Variants in TMCC1 observed in about 807,000 individuals in gnomAD.
TMCC1 encodes transmembrane and coiled-coil domain family 1.
TMCC1 carries 15 observed loss-of-function variants against 52.4 expected under a neutral mutation model. The ratio of observed to expected loss-of-function variants is 0.29; its 90% CI spans 0.19 to 0.44. The LOEUF (loss-of-function observed/expected upper bound fraction) is 0.44, where lower values mean the gene tolerates loss of function less well. Ranked by LOEUF, TMCC1 falls within the 20% of genes least tolerant of loss-of-function variation. The pLI, the probability that TMCC1 is intolerant of heterozygous loss-of-function variation, is 1.00. For missense variants in TMCC1, 503 were observed against 806.0 expected, an observed-to-expected ratio of 0.62 and a Z score of 4.55; for synonymous variants, 279 against 301.9, an observed-to-expected ratio of 0.92 and a Z score of 0.79.
chr3:129,688,140 A>G, intron 4 of TMCC1: 1 of 985,360 alleles, frequency 1.0e-6, no homozygotes. Context: ...TAGAAAAGTC[A>G]AAAAATAAGA....
intron 4 of TMCC1, among the ~76,000 whole-genome samples, chr3:129,717,604 T>C: frequency 6.6e-6 from 1 of 152,150 alleles, no homozygotes; most frequent in East Asian, 1.9e-4. Flanking sequence ...CATTTACATC[T>C]CAGTTAATGA....
intron 4 of TMCC1, among the ~76,000 whole-genome samples, chr3:129,741,164 T>C (rs1383671123): frequency 6.6e-6 from 1 of 152,190 alleles, no homozygotes; most frequent in Non-Finnish European, 1.5e-5. Context: ...TTAGAATCAC[T>C]GCTGTGTTGA....
chr3:129,718,478 G>A (rs2049282236), intron 4 of TMCC1, among the ~76,000 whole-genome samples: 1 of 152,184 alleles, frequency 6.6e-6, no homozygotes, highest in Non-Finnish European at 1.5e-5. Flanking sequence ...TTTTCACTGT[G>A]TTTAGTACAA....
At chr3:129,692,803 G>A (rs934572522) in intron 4 of TMCC1, among the ~76,000 whole-genome samples, 2 of 152,166 alleles carry the variant, frequency 1.3e-5, no homozygotes, top group Non-Finnish European at 2.9e-5. Context: ...CCAAACTAAA[G>A]TAACAGTTTG....
chr3:129,763,694 T>C (rs570724421), intron 4 of TMCC1, among the ~76,000 whole-genome samples: 49 of 151,960 alleles, frequency 3.2e-4, no homozygotes, highest in Non-Finnish European at 6.2e-4. Flanking sequence ...TAACCATCCC[T>C]GGAATTCTCC....
At chr3:129,847,594 TAC>T (rs1386150539) in intron 2 of TMCC1, 1 of 152,246 alleles carries the variant, frequency 6.6e-6, no homozygotes, top group Admixed American at 6.5e-5. Flanking sequence ...GGGAGCTGTT[TAC>T]AGTTTTTAGC....
At chr3:129,786,598 C>T (rs1204118372) in intron 4 of TMCC1, among the ~76,000 whole-genome samples, 1 of 152,158 alleles carries the variant, frequency 6.6e-6, no homozygotes, top group African/African-American at 2.4e-5. Flanking sequence ...GGAAGAGCTC[C>T]TTCCCTCTTC....
chr3:129,847,718 A>G (rs1346077354), intron 2 of TMCC1: 2 of 152,212 alleles, frequency 1.3e-5, no homozygotes, highest in Non-Finnish European at 2.9e-5. Context: ...ATCGTATGGC[A>G]TCTTCACATT....
chr3:129,706,179 C>T (rs1187588173), intron 4 of TMCC1, among the ~76,000 whole-genome samples: 4 of 151,536 alleles, frequency 2.6e-5, no homozygotes, highest in East Asian at 1.9e-4. Flanking sequence ...CGTGAGCCAC[C>T]GCGCCTGGCC....
intron 4 of TMCC1, among the ~76,000 whole-genome samples, chr3:129,811,241 C>T (rs1234983052): frequency 1.4e-5 from 2 of 148,100 alleles, no homozygotes; most frequent in Admixed American, 1.4e-4. Context: ...AGGATGCTCA[C>T]TTTCATGGCC....
chr3:129,889,783 A>T (rs2061879396), intron 1 of TMCC1, among the ~76,000 whole-genome samples: 1 of 152,158 alleles, frequency 6.6e-6, no homozygotes, highest in African/African-American at 2.4e-5. Flanking sequence ...AAATACAAAA[A>T]TAAGAAAAAA....
At chr3:129,827,114 G>A (rs1049233559) in intron 4 of TMCC1, among the ~76,000 whole-genome samples, 1 of 152,152 alleles carries the variant, frequency 6.6e-6, no homozygotes, top group African/African-American at 2.4e-5. Context: ...TAACACCTAA[G>A]TTCACTCATT....
intron 4 of TMCC1, among the ~76,000 whole-genome samples, chr3:129,756,858 T>C (rs1282204550): frequency 1.3e-5 from 2 of 152,216 alleles, no homozygotes; most frequent in Admixed American, 6.5e-5. Flanking sequence ...TTGTTGATTA[T>C]AAAGTGGAAG....
At chr3:129,854,656 A>G (rs1380428401) in intron 2 of TMCC1, among the ~76,000 whole-genome samples, 2 of 151,960 alleles carry the variant, frequency 1.3e-5, no homozygotes, top group Admixed American at 6.6e-5. Context: ...TGCACTTGCT[A>G]TTTCTTCTGT....
At position 129,893,701 on chromosome 3, in the gene TMCC1, C is replaced by G. The variant is rs2062095500; in HGVS notation, c.-642G>C. 1 of 149,606 alleles carries G rather than the reference C, an allele frequency of 6.7e-6. No individual in the cohort carries two copies. Among genetic ancestry groups the G allele is most frequent in the Non-Finnish European group, 1.5e-5 (1 of 66,718 alleles). The allele number at this position is 149,606 out of a possible 1,614,324, so 9.3% of individuals were successfully genotyped here. A position where few individuals can be genotyped will look rare whatever the true frequency, so the allele number is the denominator to read the frequency against. On this transcript the variant is annotated 5_prime_UTR_variant, in exon 1 of 7. Transcript: ENST00000393238. The stretch of plus-strand genomic sequence containing the variant: ...TCAGCCCCGGCGCGGGAGGGCGAAC[C>G]GGCGCGAGAGAGCGAGCGCGCGCGC...
rs77822215 is a variant in TMCC1 at position 129,794,896 on chromosome 3, T to C, written c.576+32907A>G. Among the ~76,000 whole-genome samples, 34 of 152,090 alleles carry C rather than the reference T, an allele frequency of 2.2e-4. No individual in the cohort carries two copies. In the East Asian group the frequency reaches 6.6e-3, roughly 29 times the overall value. On this transcript the variant is annotated intron_variant, in intron 4 of 6. Transcript: ENST00000393238. ...CACCCTTCTCTACCTCCACCTTAGG[T>C]AATCCTTTAAGGTGAGGCAGTGTGA...
chr3:129,688,333 A>G, intron 4 of TMCC1: 1 of 985,314 alleles, frequency 1.0e-6, no homozygotes, highest in Non-Finnish European at 1.2e-6. Context: ...CAAACTGCAG[A>G]GGAGCTGTGG....
At chr3:129,803,053 G>A (rs974777345) in intron 4 of TMCC1, among the ~76,000 whole-genome samples, 1 of 152,310 alleles carries the variant, frequency 6.6e-6, no homozygotes, top group East Asian at 1.9e-4. Context: ...AGAGAAAGGA[G>A]CCAAATTCTT....
At chr3:129,760,856 C>T (rs1340096234) in intron 4 of TMCC1, among the ~76,000 whole-genome samples, 2 of 152,052 alleles carry the variant, frequency 1.3e-5, no homozygotes, top group African/African-American at 2.4e-5. Flanking sequence ...AAGCAGTCTA[C>T]CCACCTCAGC....
Sources: allele counts gnomAD v4.1 joint callset (sites outside exome capture counted in the v4.1 genomes callset), GRCh38; gene constraint gnomAD v4.1.1; transcripts MANE v1.5; gene names NCBI Gene and HGNC (gene_info 2026-07-23, HGNC 2026-07-21).